The following IGF1R variants were observed in gnomAD, a reference collection of about 807,000 sequenced individuals.
IGF1R encodes insulin like growth factor 1 receptor.
Under a neutral mutation model 144.6 loss-of-function variants are expected in IGF1R, and 44 were observed. The ratio of observed to expected loss-of-function variants is 0.30; its 90% confidence interval spans 0.24 to 0.39. The LOEUF (loss-of-function observed/expected upper bound fraction) is 0.39, where lower values mean the gene tolerates loss of function less well. IGF1R is among the 10% of genes least tolerant of loss of function. The pLI is 1.00. For missense variants in IGF1R, 1,355 were observed against 1,833.7 expected, an observed-to-expected ratio of 0.74 and a Z score of 4.77; for synonymous variants, 795 against 722.8, an observed-to-expected ratio of 1.10 and a Z score of -1.60.
At chr15:98,867,990 C>T (rs1030458144) in intron 2 of IGF1R, among the ~76,000 whole-genome samples, 4 of 152,088 alleles carry the variant, frequency 2.6e-5, no homozygotes, top group South Asian at 2.1e-4. Context: ...CGCTTGAGGT[C>T]GGGAGTTCGA....
At chr15:98,924,071 T>A (rs970246348) in intron 12 of IGF1R, 59 bp downstream of exon 12, 2 of 1,437,416 alleles carry the variant, frequency 1.4e-6, no homozygotes, top group Non-Finnish European at 9.8e-7. Flanking sequence ...CAGCATATGC[T>A]ACCTGACTGC....
At chr15:98,653,387 A>AT (rs759611712) in intron 1 of IGF1R, among the ~76,000 whole-genome samples, 1 of 152,194 alleles carries the variant, frequency 6.6e-6, no homozygotes, top group Admixed American at 6.5e-5. Flanking sequence ...TTAAACACTC[A>AT]TTTTTTGATA....
chr15:98,957,709 G>C lies in IGF1R; in HGVS notation c.*267G>C, dbSNP rs534281286. On this transcript the variant is annotated 3_prime_UTR_variant, in exon 21 of 21. Transcript: ENST00000650285. Reference sequence around the variant, plus strand: ...AGAACCTTAATGACAACACTTAATAGCAACAGAGCACTTGAGAACCAGTCT... The same window carrying C: ...AGAACCTTAATGACAACACTTAATACCAACAGAGCACTTGAGAACCAGTCT... 1.8e-6 allele frequency: 1 copy of C among 547,666 alleles called. No homozygotes were observed. The highest frequency in any genetic ancestry group is 3.3e-6 in the Non-Finnish European group (1 of 305,514). The allele number at this position is 547,666 out of a possible 1,614,324, so 33.9% of individuals were successfully genotyped here.
intron 2 of IGF1R, among the ~76,000 whole-genome samples, chr15:98,877,992 T>C (rs550070441): frequency 3.3e-5 from 5 of 152,202 alleles, no homozygotes; most frequent in Non-Finnish European, 7.4e-5. Context: ...CCTTTTGGAC[T>C]AACAGTTTTT....
chr15:98,923,778 GCC>G (rs1330494098), intron 11 of IGF1R, 96 bp from the exon 12 acceptor site: 7 of 964,268 alleles, frequency 7.3e-6, no homozygotes, highest in Non-Finnish European at 1.2e-5. Flanking sequence ...CCACTGTCCT[GCC>G]CGTGTGGATG....
chr15:98,690,908 G>C (rs1190893321), intron 1 of IGF1R, among the ~76,000 whole-genome samples: 1 of 152,196 alleles, frequency 6.6e-6, no homozygotes, highest in Non-Finnish European at 1.5e-5. Flanking sequence ...CATTTAAATA[G>C]ATCCCTGTTG....
intron 2 of IGF1R, among the ~76,000 whole-genome samples, chr15:98,736,589 A>T (rs2054613338): frequency 6.6e-6 from 1 of 150,558 alleles, no homozygotes; most frequent in Admixed American, 6.6e-5. Flanking sequence ...TTTCCTAATT[A>T]GTGGGAATAT....
chr15:98,841,845 T>C (rs534433509), intron 2 of IGF1R, among the ~76,000 whole-genome samples: 1 of 152,310 alleles, frequency 6.6e-6, no homozygotes, highest in African/African-American at 2.4e-5. Flanking sequence ...TCCCCTGTGC[T>C]GATACACTTA....
chr15:98,950,344 C>T (rs1412723261), intron 20 of IGF1R, among the ~76,000 whole-genome samples: 3 of 152,230 alleles, frequency 2.0e-5, no homozygotes, highest in Non-Finnish European at 4.4e-5. Context: ...CCTACAGTGT[C>T]TGTGGGCCAG....
rs1001666087 is a variant in IGF1R at position 98,813,649 on chromosome 15, C to T, written c.641-77676C>T. On this transcript the variant is annotated intron_variant, in intron 2 of 20. Transcript: ENST00000650285. ...ATTGTCTTTTAACTGTTGGCCTCAC[C>T]GTACCTGAATAGCAGTAAACCCTAC... Among the ~76,000 whole-genome samples the T allele has an allele frequency of 4.6e-5, 7 of 152,316 alleles. 1 individual carries two copies. Among genetic ancestry groups the T allele is most frequent in the South Asian group, 4.1e-4 (2 of 4,824 alleles).
chr15:98,661,139 A>T (rs1359420720), intron 1 of IGF1R, among the ~76,000 whole-genome samples: 1 of 152,092 alleles, frequency 6.6e-6, no homozygotes, highest in East Asian at 1.9e-4. Flanking sequence ...CCACGTATGG[A>T]AGTTGGCTTC....
intron 2 of IGF1R, among the ~76,000 whole-genome samples, chr15:98,713,690 T>C (rs1467339591): frequency 6.6e-6 from 1 of 152,234 alleles, no homozygotes; most frequent in African/African-American, 2.4e-5. Context: ...TACTTCCTGC[T>C]GAATTTACCT....
At chr15:98,742,753 C>T (rs2141318319) in intron 2 of IGF1R, among the ~76,000 whole-genome samples, 1 of 152,306 alleles carries the variant, frequency 6.6e-6, no homozygotes, top group Admixed American at 6.5e-5. Context: ...CATCTAATTG[C>T]ACTCACAATG....
At chr15:98,672,855 CTT>C (rs2052933015) in intron 1 of IGF1R, among the ~76,000 whole-genome samples, 1 of 152,132 alleles carries the variant, frequency 6.6e-6, no homozygotes, top group Non-Finnish European at 1.5e-5. Context: ...TCTGGTGAAA[CTT>C]AATCAGTGAT....
chr15:98,926,366 TAGG>T (rs1209651912), intron 13 of IGF1R, among the ~76,000 whole-genome samples: 1 of 151,392 alleles, frequency 6.6e-6, no homozygotes, highest in Non-Finnish European at 1.5e-5. Flanking sequence ...TTCAGTTAGA[TAGG>T]AGGAATAAGT....
rs1444459562 is a variant in IGF1R at position 98,912,400 on chromosome 15, C to T, written c.1590-644C>T. On this transcript the variant is annotated intron_variant, in intron 7 of 20. Transcript: ENST00000650285. ...GTTTTGTTCATGTTTGTTTCAGAAGCCAGCGGCCAGCAGCTGTCCAGCCCT... is the reference window on the plus strand; with the variant it reads ...GTTTTGTTCATGTTTGTTTCAGAAGTCAGCGGCCAGCAGCTGTCCAGCCCT... Among the ~76,000 whole-genome samples the T allele has an allele frequency of 2.0e-5, 3 of 152,198 alleles. No homozygotes were observed. The South Asian group carries it at 6.2e-4, about 32-fold the overall frequency.
rs572962808 is a variant in IGF1R at position 98,855,235 on chromosome 15, T to A, written c.641-36090T>A. Among the ~76,000 whole-genome samples the A allele has an allele frequency of 2.2e-4, 34 of 152,310 alleles. No homozygotes were observed. The South Asian group carries it at 5.2e-3, about 23-fold the overall frequency. ...ACAGTCTCATTTAATGGCACCATGGTCTGTGGAGCCAGGCAGGCCTGTGTG... is the reference window on the plus strand; with the variant it reads ...ACAGTCTCATTTAATGGCACCATGGACTGTGGAGCCAGGCAGGCCTGTGTG... On this transcript the variant is annotated intron_variant, in intron 2 of 20. Coordinates refer to ENST00000650285, the MANE Select transcript of IGF1R (RefSeq NM_000875.5).
intron 2 of IGF1R, among the ~76,000 whole-genome samples, chr15:98,844,938 T>C (rs2011254496): frequency 6.6e-6 from 1 of 152,190 alleles, no homozygotes; most frequent in African/African-American, 2.4e-5. Context: ...TATTAGTAAT[T>C]CTACAGCCAG....
Position 98,929,651 on chromosome 15 carries a change from A to G in IGF1R, c.2876A>G (p.His959Arg). The change falls in exon 14 of 21, where the codon CAT (histidine) becomes CGT (arginine). Residue 959 changes from histidine (H) to arginine (R), a missense_variant. By Grantham distance (29) the His-to-Arg change is conservative. This residue lies in a region of IGF1R where 880 missense variants were observed against 1,202.7 expected (regional missense o/e 0.73). Coordinates refer to ENST00000650285, the MANE Select transcript of IGF1R (RefSeq NM_000875.5). ...GGLVIMLYVF[H>R]RKRNNSRLGN... ...TTGGTGATTATGCTGTACGTCTTCC[A>G]TAGAAAGAGGTCAGTGATGTGCAAA... 6.2e-7 allele frequency: 1 copy of G among 1,610,934 alleles called. No homozygotes were observed. The highest frequency in any genetic ancestry group is 1.1e-5 in the South Asian group (1 of 91,034).
Sources: gnomAD v4.1 joint callset for allele counts (sites outside exome capture counted in the v4.1 genomes callset) on GRCh38, gnomAD v4.1.1 for gene constraint, gnomAD v4.1.1 regional missense constraint, MANE v1.5 for transcripts, NCBI Gene and HGNC (gene_info 2026-07-23, HGNC 2026-07-21) for gene names.